TMEM132D: variants seen among roughly 807,000 people sequenced by gnomAD.
The protein encoded by TMEM132D is transmembrane protein 132D.
In TMEM132D, 21 loss-of-function variants were observed where a neutral mutation model predicts 62.3. The ratio of observed to expected loss-of-function variants is 0.34; its 90% CI spans 0.24 to 0.49. The LOEUF (loss-of-function observed/expected upper bound fraction) is 0.49, where lower values mean the gene tolerates loss of function less well. Among genes scored for constraint, TMEM132D ranks in the 20% least tolerant of loss-of-function variants. The pLI is 0.99. For missense variants in TMEM132D, 1,346 were observed against 1,402.8 expected (o/e 0.96, Z 0.65); for synonymous variants, 621 against 575.6 (o/e 1.08, Z -1.13).
intron 4 of TMEM132D, among the ~76,000 whole-genome samples, chr12:129,270,508 C>G (rs934043589): frequency 2.0e-5 from 3 of 152,154 alleles, no homozygotes; most frequent in Non-Finnish European, 4.4e-5. Flanking sequence ...GCCAATGTAC[C>G]GTACGTACAC....
chr12:129,184,524 T>C (rs1273968414), intron 5 of TMEM132D, among the ~76,000 whole-genome samples: 1 of 152,186 alleles, frequency 6.6e-6, no homozygotes, highest in Non-Finnish European at 1.5e-5. Flanking sequence ...TCCCATACTC[T>C]ATGGGACTAG....
intron 2 of TMEM132D, among the ~76,000 whole-genome samples, chr12:129,693,678 A>G (rs1458288906): frequency 1.3e-5 from 2 of 152,292 alleles, no homozygotes; most frequent in East Asian, 3.9e-4. Context: ...CACTGTAGTC[A>G]AGCTCATTGA....
At chr12:129,076,341 G>A (rs994484325) in intron 8 of TMEM132D, among the ~76,000 whole-genome samples, 1 of 152,210 alleles carries the variant, frequency 6.6e-6, no homozygotes, top group Non-Finnish European at 1.5e-5. Flanking sequence ...TTGCAGCTGG[G>A]TTCTGTGAGA....
intron 3 of TMEM132D, among the ~76,000 whole-genome samples, chr12:129,391,112 C>T (rs973446769): frequency 1.3e-5 from 2 of 152,152 alleles, no homozygotes; most frequent in African/African-American, 4.8e-5. Context: ...TAAGTCATTC[C>T]CAATCTTTTG....
At chr12:129,843,517 G>A (rs190159427) in intron 1 of TMEM132D, among the ~76,000 whole-genome samples, 1 of 152,226 alleles carries the variant, frequency 6.6e-6, no homozygotes, top group Non-Finnish European at 1.5e-5. Context: ...GATATTGACA[G>A]ATTATTTATG....
At chr12:129,638,383 C>T (rs1230251008) in intron 2 of TMEM132D, among the ~76,000 whole-genome samples, 1 of 151,438 alleles carries the variant, frequency 6.6e-6, no homozygotes, top group African/African-American at 2.4e-5. Context: ...TCACTTACCT[C>T]GATTACACTA....
chr12:129,491,088 A>T (rs1305324694), intron 3 of TMEM132D, among the ~76,000 whole-genome samples: 1 of 152,074 alleles, frequency 6.6e-6, no homozygotes, highest in African/African-American at 2.4e-5. Flanking sequence ...GACTTGATAC[A>T]ATGGAGCCTC....
At chr12:129,550,676 G>A (rs1876869665) in intron 2 of TMEM132D, among the ~76,000 whole-genome samples, 1 of 152,212 alleles carries the variant, frequency 6.6e-6, no homozygotes, top group Non-Finnish European at 1.5e-5. Context: ...CAGGGGAGGT[G>A]AAGACAGACA....
chr12:129,588,977 G>C (rs959275522), intron 2 of TMEM132D, among the ~76,000 whole-genome samples: 48 of 152,136 alleles, frequency 3.2e-4, no homozygotes, highest in African/African-American at 1.1e-3. Flanking sequence ...GTTTAAAATA[G>C]AAGAAACCTT....
chr12:129,232,159 C>T (rs776331676), intron 4 of TMEM132D, among the ~76,000 whole-genome samples: 3 of 152,114 alleles, frequency 2.0e-5, no homozygotes, highest in Non-Finnish European at 4.4e-5. Context: ...TAAAAATCTT[C>T]CCACGATATT....
rs557908945 is a variant in TMEM132D, at chr12:129,577,189, G to A, written c.969-45984C>T. ...TTATTGTGATATGCAATTTACTGGA[G>A]ATGAACTGCCCATGCCAAGATGGCT... On this transcript the variant is annotated intron_variant, in intron 2 of 8. Coordinates refer to ENST00000422113, the MANE Select transcript of TMEM132D (RefSeq NM_133448.3). Among the ~76,000 whole-genome samples the A allele has an allele frequency of 2.0e-4, 30 of 151,954 alleles. 2 individuals are homozygous for A. Among genetic ancestry groups the A allele is most frequent in the African/African-American group, 7.3e-4 (30 of 41,232 alleles).
intron 3 of TMEM132D, among the ~76,000 whole-genome samples, chr12:129,351,586 A>G (rs1183706005): frequency 1.3e-5 from 2 of 152,218 alleles, no homozygotes; most frequent in African/African-American, 4.8e-5. Context: ...TACCCAGGCT[A>G]TGAAAGCTTT....
At chr12:129,245,226 C>T (rs1338155015) in intron 4 of TMEM132D, among the ~76,000 whole-genome samples, 4 of 152,194 alleles carry the variant, frequency 2.6e-5, no homozygotes, top group Non-Finnish European at 5.9e-5. Flanking sequence ...CTCCCTCCCC[C>T]AACTCCTAAC....
intron 3 of TMEM132D, among the ~76,000 whole-genome samples, chr12:129,383,382 A>G (rs1344527286): frequency 6.6e-6 from 1 of 152,160 alleles, no homozygotes; most frequent in Admixed American, 6.5e-5. Context: ...CAACAGAAAT[A>G]CAGAAATGCC....
intron 1 of TMEM132D, among the ~76,000 whole-genome samples, chr12:129,895,310 C>T (rs974860659): frequency 2.6e-5 from 4 of 152,202 alleles, no homozygotes; most frequent in Admixed American, 2.0e-4. Context: ...TATCTTTACT[C>T]CACATTCTAT....
chr12:129,474,591 C>G (rs1874204983), intron 3 of TMEM132D, among the ~76,000 whole-genome samples: 1 of 152,180 alleles, frequency 6.6e-6, no homozygotes, highest in African/African-American at 2.4e-5. Flanking sequence ...TTGACAAGAC[C>G]CAGTGACAGA....
At chr12:129,539,405 CTTTT>C (rs33913406) in intron 2 of TMEM132D, among the ~76,000 whole-genome samples, 1 of 117,012 alleles carries the variant, frequency 8.5e-6, no homozygotes, top group African/African-American at 3.4e-5. Flanking sequence ...CTAATTTTTT[CTTTT>C]TTTTTTTTTT....
intron 3 of TMEM132D, among the ~76,000 whole-genome samples, chr12:129,423,413 A>G (rs1040020996): frequency 2.0e-5 from 3 of 152,190 alleles, no homozygotes; most frequent in Admixed American, 6.5e-5. Context: ...CTTCTGCAAC[A>G]TCCGGCAACA....
intron 4 of TMEM132D, among the ~76,000 whole-genome samples, chr12:129,298,575 T>C (rs1388074477): frequency 2.0e-5 from 3 of 152,212 alleles, no homozygotes; most frequent in African/African-American, 7.2e-5. Flanking sequence ...TATCTGATTG[T>C]CACTGTGTAC....
Sources: gnomAD v4.1 joint callset for allele counts (sites outside exome capture counted in the v4.1 genomes callset) on GRCh38, gnomAD v4.1.1 for gene constraint, MANE v1.5 for transcripts, NCBI Gene and HGNC (gene_info 2026-07-23, HGNC 2026-07-21) for gene names.